Variants in NAMPT observed in about 807,000 individuals in gnomAD.
NAMPT encodes the protein NAmPRTase.
A neutral mutation model predicts 58.7 loss-of-function variants in NAMPT; 7 were observed. That is an observed-to-expected ratio of 0.12 (90% CI 0.07 to 0.22). The LOEUF (loss-of-function observed/expected upper bound fraction) is 0.22. Among genes scored for constraint, NAMPT ranks in the 10% least tolerant of loss-of-function variants. The pLI, the probability that NAMPT is intolerant of heterozygous loss-of-function variation, is 1.00. For synonymous variants in NAMPT, 145 were observed against 198.1 expected, an observed-to-expected ratio of 0.73 and a Z score of 2.25; for missense variants, 271 against 567.9, an observed-to-expected ratio of 0.48 and a Z score of 5.31.
chr7:106,258,089 CTT>C (rs1208311294), intron 8 of NAMPT, among the ~76,000 whole-genome samples: 1 of 152,170 alleles, frequency 6.6e-6, no homozygotes, highest in Non-Finnish European at 1.5e-5. Flanking sequence ...TCTTCTATTT[CTT>C]TTTTCCTTTC....
chr7:106,268,361 T>A (rs1356673192), intron 6 of NAMPT, 103 bp downstream of exon 6: 5 of 976,692 alleles, frequency 5.1e-6, no homozygotes, highest in Non-Finnish European at 7.7e-6. Context: ...TTCATGAAGA[T>A]GTACTGTAGG....
chr7:106,266,405 T>C (rs1255953159), intron 6 of NAMPT, among the ~76,000 whole-genome samples: 1 of 152,252 alleles, frequency 6.6e-6, no homozygotes, highest in Non-Finnish European at 1.5e-5. Context: ...GTGCATACTA[T>C]GTTAGATTTT....
intron 6 of NAMPT, among the ~76,000 whole-genome samples, chr7:106,264,237 T>C (rs539299289): frequency 1.3e-5 from 2 of 152,214 alleles, no homozygotes; most frequent in South Asian, 4.1e-4. Context: ...CGAATTAATA[T>C]ATGCCCAGGG....
At chr7:106,277,481 G>A (rs1384094951) in intron 1 of NAMPT, among the ~76,000 whole-genome samples, 9 of 152,164 alleles carry the variant, frequency 5.9e-5, no homozygotes, top group African/African-American at 2.2e-4. Flanking sequence ...TCCAGGCGAA[G>A]AGAGAGAGAA....
At chr7:106,261,218 A>G (rs1319845231) in intron 8 of NAMPT, among the ~76,000 whole-genome samples, 1 of 152,192 alleles carries the variant, frequency 6.6e-6, no homozygotes, top group Non-Finnish European at 1.5e-5. Flanking sequence ...GCACCCATTA[A>G]TATTATGAGT....
chr7:106,268,362 G>T, intron 6 of NAMPT, 102 bp downstream of exon 6: 2 of 982,222 alleles, frequency 2.0e-6, no homozygotes, highest in Non-Finnish European at 3.1e-6. Context: ...TCATGAAGAT[G>T]TACTGTAGGT....
chr7:106,284,764 C>T (rs1386457466), intron 1 of NAMPT, 64 bp downstream of exon 1: 2 of 1,402,520 alleles, frequency 1.4e-6, no homozygotes, highest in South Asian at 1.4e-5. Context: ...CCCCCGCCCC[C>T]CTGCCGCGCG....
At chr7:106,285,312 G>T (rs1792857328), upstream of NAMPT, 1 of 542,036 alleles carries the variant, frequency 1.8e-6, no homozygotes, top group Non-Finnish European at 2.4e-6. Flanking sequence ...TGACCCGGGC[G>T]CTTACCTAAG....
upstream of NAMPT, chr7:106,285,219 C>G (rs1036343848): frequency 9.2e-7 from 1 of 1,084,848 alleles, no homozygotes; most frequent in Non-Finnish European, 1.1e-6. Flanking sequence ...GGAGGCGGGG[C>G]GGGGAGGAGG....
chr7:106,258,441 G>C (rs1037598037), intron 8 of NAMPT, among the ~76,000 whole-genome samples: 1 of 152,166 alleles, frequency 6.6e-6, no homozygotes, highest in African/African-American at 2.4e-5. Context: ...CAAAATGTCA[G>C]TGGTTTCTGA....
chr7:106,285,714 C>T (rs1792869070), upstream of NAMPT: 1 of 377,982 alleles, frequency 2.6e-6, no homozygotes, highest in Non-Finnish European at 3.6e-6. Flanking sequence ...CTGTCTATGG[C>T]TGAGCTCTTT....
At chr7:106,285,024 A>G, upstream of NAMPT, 4 of 1,355,630 alleles carry the variant, frequency 3.0e-6, no homozygotes, top group South Asian at 3.0e-5. Context: ...AAACGGAGAG[A>G]GGGGAGGGGT....
upstream of NAMPT, chr7:106,285,150 C>G: frequency 7.9e-7 from 1 of 1,271,136 alleles, no homozygotes; most frequent in Non-Finnish European, 1.0e-6. Context: ...CCGCCTTCAC[C>G]CCGTCACCCT....
intron 1 of NAMPT, among the ~76,000 whole-genome samples, chr7:106,279,927 A>C (rs1792728234): frequency 6.6e-6 from 1 of 152,174 alleles, no homozygotes; most frequent in African/African-American, 2.4e-5. Flanking sequence ...AAGGCAGGCC[A>C]ATGTGGTAGG....
At chr7:106,270,260 T>C in intron 4 of NAMPT, 1 of 409,620 alleles carries the variant, frequency 2.4e-6, no homozygotes, top group Non-Finnish European at 5.1e-6. Flanking sequence ...TTTCATTTTA[T>C]AAACCAGATT....
At chr7:106,276,421 C>CTGAT (rs1410792679) in intron 2 of NAMPT, 1 of 152,220 alleles carries the variant, frequency 6.6e-6, no homozygotes, top group Non-Finnish European at 1.5e-5. Context: ...TAAAAATATT[C>CTGAT]TGATTGCTAC....
chr7:106,276,829 C>T (rs549882129), intron 2 of NAMPT, 194 bp downstream of exon 2: 20 of 482,640 alleles, frequency 4.1e-5, no homozygotes, highest in Admixed American at 1.4e-4. Context: ...CCAACAAGAG[C>T]GAAACTCGGT....
At chr7:106,275,275 T>C (rs921337015) in intron 2 of NAMPT, 7 of 306,334 alleles carry the variant, frequency 2.3e-5, no homozygotes, top group African/African-American at 1.5e-4. Flanking sequence ...AGATGTGTAA[T>C]AGAAAAAATT....
rs1792059227 is a variant in NAMPT at position 106,248,724 on chromosome 7, C to A, written c.*2359G>T. ...AGTTGAAAATCTAATGACTTAAATCCATAAATGCCATTTGCTTTTGTCTGG... is the reference window on the plus strand; with the variant it reads ...AGTTGAAAATCTAATGACTTAAATCAATAAATGCCATTTGCTTTTGTCTGG... On this transcript the variant is annotated 3_prime_UTR_variant, in exon 11 of 11. Coordinates refer to ENST00000222553, the MANE Select transcript of NAMPT (RefSeq NM_005746.3). 1 of 151,970 alleles carries A rather than the reference C, an allele frequency of 6.6e-6. No homozygotes were observed. 9.4% of individuals were successfully genotyped at this position (151,970 alleles called of 1,614,324 possible). A position where few individuals can be genotyped will look rare whatever the true frequency, so the allele number is the denominator to read the frequency against.
Sources: gnomAD v4.1 joint callset for allele counts (sites outside exome capture counted in the v4.1 genomes callset) on GRCh38, gnomAD v4.1.1 for gene constraint, MANE v1.5 for transcripts, NCBI Gene and HGNC (gene_info 2026-07-23, HGNC 2026-07-21) for gene names.